ELAVL4: variants seen among roughly 807,000 people sequenced by gnomAD.
The protein encoded by ELAVL4 is ELAV like RNA binding protein 4, also known as ELAV-like protein 4.
A neutral mutation model predicts 35.6 loss-of-function variants in ELAVL4; 1 was observed. The ratio of observed to expected loss-of-function variants is 0.03; its 90% CI spans 0.01 to 0.13. The LOEUF (loss-of-function observed/expected upper bound fraction) is 0.13, where lower values mean the gene tolerates loss of function less well. Among genes scored for constraint, ELAVL4 ranks in the 10% least tolerant of loss-of-function variants. The probability of loss-of-function intolerance (pLI) is 1.00; values close to 1 mark genes in which losing one functional copy is unlikely to be tolerated. For synonymous variants in ELAVL4, 156 were observed against 171.0 expected (o/e 0.91, Z 0.69); for missense variants, 267 against 464.9 (o/e 0.57, Z 3.91).
intron 2 of ELAVL4, among the ~76,000 whole-genome samples, chr1:50,157,419 C>CT (rs1366466339): frequency 6.6e-6 from 1 of 152,174 alleles, no homozygotes; most frequent in Non-Finnish European, 1.5e-5. Context: ...AAAACAAACC[C>CT]TTAAACCCCC....
intron 1 of ELAVL4, among the ~76,000 whole-genome samples, chr1:50,135,386 T>G (rs997765360): frequency 2.0e-5 from 3 of 152,150 alleles, no homozygotes; most frequent in Non-Finnish European, 2.9e-5. Flanking sequence ...AGTCTGAGTG[T>G]ATACGATTTA....
Position 50,048,076 on chromosome 1 carries a change from G to A in ELAVL4, c.-89G>A, listed in dbSNP as rs1000429175. On this transcript the variant is annotated 5_prime_UTR_variant, in exon 1 of 7. Coordinates refer to the ELAVL4 transcript ENST00000448907. ...CCGCAGAGCGAGCTAGAGAGCGAGAGCGGTGAGACTCTGCGGACGTCTTCC... is the reference window on the plus strand; with the variant it reads ...CCGCAGAGCGAGCTAGAGAGCGAGAACGGTGAGACTCTGCGGACGTCTTCC... The A allele has an allele frequency of 2.2e-6, 3 of 1,387,116 alleles. No individual in the cohort carries two copies. In the African/African-American group the frequency reaches 4.5e-5, roughly 21 times the overall value. 85.9% of individuals were successfully genotyped at this position (1,387,116 alleles called of 1,614,324 possible).
chr1:50,187,352 G>C (rs1246825324), intron 3 of ELAVL4, among the ~76,000 whole-genome samples: 1 of 152,156 alleles, frequency 6.6e-6, no homozygotes, highest in Admixed American at 6.5e-5. Context: ...AGCATTTACT[G>C]TGTGCCAGGC....
chr1:50,187,874 T>A (rs570792092), intron 3 of ELAVL4, among the ~76,000 whole-genome samples: 4 of 152,292 alleles, frequency 2.6e-5, no homozygotes, highest in African/African-American at 9.6e-5. Context: ...GACGAGCAGA[T>A]CATCTGAGGT....
intron 1 of ELAVL4, among the ~76,000 whole-genome samples, chr1:50,133,580 G>GAAAGAAAGAAAGAAAGAAA (rs1557754245): frequency 1.1e-5 from 1 of 89,388 alleles, no homozygotes. Context: ...GAAAGAGAGA[G>GAAAGAAAGAAAGAAAGAAA]AGAAAGAAAG....
chr1:50,183,603 C>T (rs927448782), intron 3 of ELAVL4, among the ~76,000 whole-genome samples: 14 of 152,066 alleles, frequency 9.2e-5, no homozygotes, highest in Admixed American at 8.5e-4. Context: ...CTTCTAATAC[C>T]ACTAACAGTG....
At chr1:50,181,892 A>C (rs186847072) in intron 3 of ELAVL4, among the ~76,000 whole-genome samples, 11 of 152,254 alleles carry the variant, frequency 7.2e-5, no homozygotes, top group African/African-American at 2.6e-4. Context: ...CGTGTTGGTC[A>C]GTCTGGTTGC....
At chr1:50,094,157 G>A (rs1360321505) in intron 1 of ELAVL4, among the ~76,000 whole-genome samples, 2 of 152,190 alleles carry the variant, frequency 1.3e-5, no homozygotes, top group African/African-American at 2.4e-5. Context: ...TCTAGGAAAG[G>A]TTGCATTTGT....
chr1:50,191,106 T>G (rs1483040101), intron 3 of ELAVL4, among the ~76,000 whole-genome samples: 1 of 152,268 alleles, frequency 6.6e-6, no homozygotes, highest in East Asian at 1.9e-4. Flanking sequence ...TCCATTCTTT[T>G]GTTCAACACA....
intron 2 of ELAVL4, among the ~76,000 whole-genome samples, chr1:50,165,170 G>A (rs938581340): frequency 6.6e-6 from 1 of 152,106 alleles, no homozygotes; most frequent in African/African-American, 2.4e-5. Context: ...CATTTGACAA[G>A]CGTGATGATG....
intron 1 of ELAVL4, among the ~76,000 whole-genome samples, chr1:50,077,016 G>T (rs1442185524): frequency 1.3e-5 from 2 of 151,728 alleles, no homozygotes; most frequent in Non-Finnish European, 2.9e-5. Flanking sequence ...CAAAGTAAAT[G>T]GGATGTTTCT....
intron 1 of ELAVL4, among the ~76,000 whole-genome samples, chr1:50,058,857 G>A (rs145463443): frequency 6.6e-6 from 1 of 152,128 alleles, no homozygotes; most frequent in African/African-American, 2.4e-5. Context: ...ATCCCCCTGA[G>A]CTTCCCAAAG....
chr1:50,128,401 G>A (rs1438731493), intron 1 of ELAVL4, among the ~76,000 whole-genome samples: 3 of 152,128 alleles, frequency 2.0e-5, no homozygotes, highest in Middle Eastern at 3.2e-3. Flanking sequence ...AAGGGAAGCA[G>A]ATTTGGCTAT....
intron 1 of ELAVL4, among the ~76,000 whole-genome samples, chr1:50,140,963 A>G (rs1672720270): frequency 6.6e-6 from 1 of 152,156 alleles, no homozygotes; most frequent in Non-Finnish European, 1.5e-5. Flanking sequence ...TACAGACAGG[A>G]CTCACCTCCT....
chr1:50,163,853 C>T (rs1181867560), intron 2 of ELAVL4, among the ~76,000 whole-genome samples: 7 of 152,060 alleles, frequency 4.6e-5, no homozygotes, highest in African/African-American at 1.7e-4. Flanking sequence ...CAAACAACCG[C>T]ATGCTCTCTC....
At chr1:50,105,206 G>A (rs1003984903), upstream of ELAVL4, among the ~76,000 whole-genome samples, 1 of 152,096 alleles carries the variant, frequency 6.6e-6, no homozygotes, top group African/African-American at 2.4e-5. Flanking sequence ...CATCTTGTAT[G>A]TGCTTCATCC....
chr1:50,168,003 C>T (rs1678255438), intron 2 of ELAVL4, among the ~76,000 whole-genome samples: 1 of 152,204 alleles, frequency 6.6e-6, no homozygotes, highest in Non-Finnish European at 1.5e-5. Flanking sequence ...ATGCAAAGTG[C>T]ACACCCAGGT....
intron 1 of ELAVL4, among the ~76,000 whole-genome samples, chr1:50,124,276 C>T (rs1669518308): frequency 6.6e-6 from 1 of 152,076 alleles, no homozygotes; most frequent in African/African-American, 2.4e-5. Flanking sequence ...TTCCTCTAGA[C>T]TCCTTTATGT....
rs531425521 is a variant in ELAVL4, at chr1:50,191,607, C to A, written c.355-2158C>A. ...AAGACCTACAACCTAAAGAGATCAT[C>A]AGCCTAGATGGAGAGGTGGTCAGTT... On this transcript the variant is annotated intron_variant, in intron 3 of 6. Transcript: ENST00000371824. Among the ~76,000 whole-genome samples, 60 of 152,246 alleles carry A rather than the reference C, an allele frequency of 3.9e-4. 3 individuals are homozygous for A. In the South Asian group the frequency reaches 0.012, roughly 31 times the overall value.
Sources: allele counts gnomAD v4.1 joint callset (sites outside exome capture counted in the v4.1 genomes callset), GRCh38; gene constraint gnomAD v4.1.1; transcripts MANE v1.5; gene names NCBI Gene and HGNC (gene_info 2026-07-23, HGNC 2026-07-21).